Variants in HTR7 observed in about 807,000 individuals in gnomAD.
HTR7 encodes the protein 5-HT-7.
A neutral mutation model predicts 34.0 loss-of-function variants in HTR7; 16 were observed. That is an observed-to-expected ratio of 0.47 (90% confidence interval 0.32 to 0.71). The LOEUF (loss-of-function observed/expected upper bound fraction) is 0.71, where lower values mean the gene tolerates loss of function less well. Among genes scored for constraint, HTR7 ranks in the 30% least tolerant of loss-of-function variants. HTR7 has a pLI of 0.04. For missense variants in HTR7, 504 were observed against 625.5 expected (o/e 0.81, Z 2.07); for synonymous variants, 265 against 260.2 (o/e 1.02, Z -0.18).
At chr10:90,755,033 C>T (rs1247311391) in intron 1 of HTR7, among the ~76,000 whole-genome samples, 2 of 152,186 alleles carry the variant, frequency 1.3e-5, no homozygotes, top group Non-Finnish European at 2.9e-5. Flanking sequence ...CCACTATTCT[C>T]ATTCAAGGAT....
intron 1 of HTR7, among the ~76,000 whole-genome samples, chr10:90,817,748 T>C (rs992452051): frequency 2.0e-5 from 3 of 152,132 alleles, no homozygotes; most frequent in Admixed American, 2.0e-4. Flanking sequence ...CGGTTGTCAG[T>C]CCACAGAAAA....
At chr10:90,748,047 T>C in intron 2 of HTR7, among the ~76,000 whole-genome samples, 1 of 152,236 alleles carries the variant, frequency 6.6e-6, no homozygotes, top group Non-Finnish European at 1.5e-5. Flanking sequence ...CTATTGTAAT[T>C]GCTTCCTTGA....
intron 1 of HTR7, among the ~76,000 whole-genome samples, chr10:90,781,676 T>C (rs183866777): frequency 6.6e-6 from 1 of 152,366 alleles, no homozygotes; most frequent in East Asian, 1.9e-4. Context: ...ATAATAAAGC[T>C]TCTTCGTTTA....
At chr10:90,841,509 T>C (rs1324820961) in intron 1 of HTR7, among the ~76,000 whole-genome samples, 2 of 152,206 alleles carry the variant, frequency 1.3e-5, no homozygotes, top group Non-Finnish European at 2.9e-5. Flanking sequence ...TTTTAGAGGC[T>C]TCTCCCATTC....
intron 1 of HTR7, among the ~76,000 whole-genome samples, chr10:90,794,253 G>A (rs1489193635): frequency 6.6e-6 from 1 of 152,148 alleles, no homozygotes; most frequent in South Asian, 2.1e-4. Context: ...GAAGGTAGGT[G>A]TTCGGGGCAC....
At chr10:90,784,012 A>G (rs1845346066) in intron 1 of HTR7, among the ~76,000 whole-genome samples, 1 of 152,230 alleles carries the variant, frequency 6.6e-6, no homozygotes, top group African/African-American at 2.4e-5. Context: ...CAATTATACA[A>G]AGAAAGATGG....
intron 1 of HTR7, among the ~76,000 whole-genome samples, chr10:90,754,844 G>C (rs1844808553): frequency 6.6e-6 from 1 of 152,136 alleles, no homozygotes; most frequent in African/African-American, 2.4e-5. Context: ...TCTGAAATAT[G>C]GTGGTTTTTT....
chr10:90,773,010 C>T (rs898563751), intron 1 of HTR7, among the ~76,000 whole-genome samples: 3 of 152,192 alleles, frequency 2.0e-5, no homozygotes, highest in Non-Finnish European at 4.4e-5. Flanking sequence ...CCAATACACA[C>T]ACACATAATC....
intron 1 of HTR7, among the ~76,000 whole-genome samples, chr10:90,813,224 C>A (rs7079426): frequency 0.28 from 41,966 of 152,130 alleles, 6,324 homozygotes; most frequent in African/African-American, 0.4. Flanking sequence ...TCACACAAAG[C>A]CTGTTTGGTG....
intron 1 of HTR7, among the ~76,000 whole-genome samples, chr10:90,807,918 C>T (rs574647786): frequency 1.3e-5 from 2 of 152,300 alleles, no homozygotes; most frequent in South Asian, 4.2e-4. Flanking sequence ...CTTCTTCAAC[C>T]TCTCTCACTA....
At chr10:90,768,693 C>T (rs1232607384) in intron 1 of HTR7, among the ~76,000 whole-genome samples, 2 of 152,122 alleles carry the variant, frequency 1.3e-5, no homozygotes, top group South Asian at 2.1e-4. Flanking sequence ...TGGGACTTTG[C>T]CATCATTCAT....
intron 1 of HTR7, among the ~76,000 whole-genome samples, chr10:90,773,565 C>CT (rs202040628): frequency 1.7e-3 from 261 of 151,394 alleles, no homozygotes; most frequent in African/African-American, 5.3e-3. Flanking sequence ...CTTATTCATT[C>CT]TTTTTTTTTG....
rs549549065 is a variant in HTR7 at position 90,749,897 on chromosome 10, C to T, written c.540-303G>A. ...AGTCAACAAAGTTTAAAAAGCTCTCCGTCCCCATGACCACAGCCACCAAAA... is the reference window on the plus strand; with the variant it reads ...AGTCAACAAAGTTTAAAAAGCTCTCTGTCCCCATGACCACAGCCACCAAAA... On this transcript the variant is annotated intron_variant, in intron 1 of 3. Transcript: ENST00000336152. The surrounding 1 kb of genome is among the most constrained non-coding windows in gnomAD (Gnocchi z 4.2). 4.6e-5 allele frequency among the ~76,000 whole-genome samples: 7 copies of T among 152,228 alleles called. No homozygotes were observed. The highest frequency in any genetic ancestry group is 4.1e-4 in the South Asian group (2 of 4,822).
intron 1 of HTR7, among the ~76,000 whole-genome samples, chr10:90,804,231 A>G (rs1222641326): frequency 6.6e-6 from 1 of 151,896 alleles, no homozygotes; most frequent in Non-Finnish European, 1.5e-5. Context: ...GCTCAGAGCC[A>G]CCTCCATCAC....
intron 1 of HTR7, among the ~76,000 whole-genome samples, chr10:90,776,260 T>A (rs188849887): frequency 6.6e-6 from 1 of 152,228 alleles, no homozygotes; most frequent in Non-Finnish European, 1.5e-5. Flanking sequence ...TCGTAAATAC[T>A]TTAATCATGA....
At chr10:90,829,107 C>A (rs1846126682) in intron 1 of HTR7, among the ~76,000 whole-genome samples, 1 of 152,066 alleles carries the variant, frequency 6.6e-6, no homozygotes, top group Admixed American at 6.5e-5. Context: ...GTAAATCAAC[C>A]AATGTGATAC....
chr10:90,854,868 T>A (rs1313087680), intron 1 of HTR7, among the ~76,000 whole-genome samples: 1 of 152,206 alleles, frequency 6.6e-6, no homozygotes, highest in Non-Finnish European at 1.5e-5. Context: ...CAGTGTAACC[T>A]ATATTAGGTA....
intron 1 of HTR7, among the ~76,000 whole-genome samples, chr10:90,826,732 T>C (rs907408089): frequency 5.3e-5 from 8 of 151,698 alleles, no homozygotes; most frequent in African/African-American, 1.9e-4. Context: ...GCTCAGGAGA[T>C]CGAGACCATC....
At chr10:90,790,346 T>G (rs1157275688) in intron 1 of HTR7, among the ~76,000 whole-genome samples, 1 of 152,206 alleles carries the variant, frequency 6.6e-6, no homozygotes, top group African/African-American at 2.4e-5. Flanking sequence ...AGTGGATATA[T>G]TTGAACTCCT....
Sources: allele counts gnomAD v4.1 joint callset (sites outside exome capture counted in the v4.1 genomes callset), GRCh38; gene constraint gnomAD v4.1.1; non-coding constraint Gnocchi (gnomAD v3.1); transcripts MANE v1.5; gene names NCBI Gene and HGNC (gene_info 2026-07-23, HGNC 2026-07-21).